The following DSCAM variants were observed in gnomAD, a reference collection of about 807,000 sequenced individuals.
The protein encoded by DSCAM is DS cell adhesion molecule, also known as cell adhesion molecule DSCAM.
In DSCAM, 47 loss-of-function variants were observed where a neutral mutation model predicts 217.7. The ratio of observed to expected loss-of-function variants is 0.22; its 90% CI spans 0.17 to 0.28. The LOEUF (loss-of-function observed/expected upper bound fraction) is 0.28. Ranked by LOEUF, DSCAM falls within the 10% of genes least tolerant of loss-of-function variation. The pLI, the probability that DSCAM is intolerant of heterozygous loss-of-function variation, is 1.00. For synonymous variants in DSCAM, 1,056 were observed against 1,015.3 expected (o/e 1.04, Z -0.76); for missense variants, 2,080 against 2,618.3 (o/e 0.79, Z 4.49).
chr21:40,190,627 A>T (rs944092135), intron 11 of DSCAM, among the ~76,000 whole-genome samples: 1 of 152,254 alleles, frequency 6.6e-6, no homozygotes, highest in African/African-American at 2.4e-5. Flanking sequence ...ATAGGTCTGT[A>T]GTCAAATTCA....
intron 3 of DSCAM, among the ~76,000 whole-genome samples, chr21:40,675,903 T>G (rs1221345586): frequency 1.3e-5 from 2 of 152,316 alleles, no homozygotes; most frequent in South Asian, 2.1e-4. Flanking sequence ...ATTCTCCTTC[T>G]GCATAACCAT....
At chr21:40,127,419 G>A (rs981653467) in intron 19 of DSCAM, among the ~76,000 whole-genome samples, 4 of 152,156 alleles carry the variant, frequency 2.6e-5, no homozygotes, top group Admixed American at 1.3e-4. Context: ...TTGGTAATCT[G>A]AGTTTTTCTT....
chr21:40,047,744 A>G (rs1453013458), intron 30 of DSCAM, among the ~76,000 whole-genome samples: 1 of 152,140 alleles, frequency 6.6e-6, no homozygotes, highest in Non-Finnish European at 1.5e-5. Context: ...GGAGATCTGA[A>G]CACTCCCTCA....
intron 11 of DSCAM, among the ~76,000 whole-genome samples, chr21:40,250,485 T>C (rs897257781): frequency 6.6e-6 from 1 of 152,220 alleles, no homozygotes. Flanking sequence ...TTTTAAAAAA[T>C]TCCACACTTA....
At chr21:40,020,033 C>A (rs1487792420) in intron 32 of DSCAM, among the ~76,000 whole-genome samples, 1 of 152,170 alleles carries the variant, frequency 6.6e-6, no homozygotes, top group East Asian at 1.9e-4. Flanking sequence ...TGTCCCCACC[C>A]AAATCTCTTC....
chr21:40,333,252 G>C (rs1336747170), intron 8 of DSCAM, among the ~76,000 whole-genome samples: 1 of 152,130 alleles, frequency 6.6e-6, no homozygotes, highest in South Asian at 2.1e-4. Flanking sequence ...CTAATACTTG[G>C]TAACTGAAAA....
chr21:40,679,281 GCTT>G (rs1370202666), intron 3 of DSCAM, among the ~76,000 whole-genome samples: 1 of 152,204 alleles, frequency 6.6e-6, no homozygotes, highest in African/African-American at 2.4e-5. Flanking sequence ...CATGTATTAA[GCTT>G]CTACTATGTG....
chr21:40,291,825 A>T (rs1335818979), intron 10 of DSCAM, among the ~76,000 whole-genome samples: 1 of 152,182 alleles, frequency 6.6e-6, no homozygotes, highest in African/African-American at 2.4e-5. Flanking sequence ...AGTTTCCCTG[A>T]AGGTCAGAGA....
At chr21:40,056,932 C>T (rs753519814) in intron 28 of DSCAM, among the ~76,000 whole-genome samples, 1 of 152,216 alleles carries the variant, frequency 6.6e-6, no homozygotes, top group South Asian at 2.1e-4. Context: ...GTGCCTCCAC[C>T]GATCCTTCCT....
In DSCAM at chr21:40,142,588, C is replaced by G; in HGVS notation, c.3376G>C (p.Val1126Leu). 6.2e-7 allele frequency: 1 copy of G among 1,614,126 alleles called. No individual in the cohort carries two copies. Among genetic ancestry groups the G allele is most frequent in the Middle Eastern group, 1.6e-4 (1 of 6,062 alleles). The change falls in exon 18 of 33, where the codon GTC (valine) becomes CTC (leucine). Residue 1126 changes from valine to leucine, a missense_variant. Physicochemically the swap from Val to Leu is conservative, Grantham distance 32 (BLOSUM62 1). Transcript: ENST00000400454. ...TCCATGAGGTTGGCCCAGTAAATGA[C>G]TCTGAACCCCTGGAGAATTCCATTC... ...ALNGILQGFR[V>L]IYWANLMDGE...
chr21:40,573,027 C>T (rs58722028), intron 3 of DSCAM, among the ~76,000 whole-genome samples: 1,661 of 152,236 alleles, frequency 0.011, 33 homozygotes, highest in African/African-American at 0.038. Context: ...CCCAGCAAAT[C>T]ATAATGATAA....
intron 32 of DSCAM, among the ~76,000 whole-genome samples, chr21:40,039,326 G>A (rs1423965667): frequency 6.6e-6 from 1 of 151,846 alleles, no homozygotes; most frequent in African/African-American, 2.4e-5. Context: ...AAAAAGAATG[G>A]AAAATAAGTC....
intron 11 of DSCAM, among the ~76,000 whole-genome samples, chr21:40,203,247 T>C (rs1490389266): frequency 6.6e-6 from 1 of 152,270 alleles, no homozygotes; most frequent in African/African-American, 2.4e-5. Context: ...TCTGCATTCA[T>C]TTGTGTCTGG....
At chr21:40,604,479 A>T (rs2089204920) in intron 3 of DSCAM, among the ~76,000 whole-genome samples, 2 of 151,846 alleles carry the variant, frequency 1.3e-5, no homozygotes, top group East Asian at 3.9e-4. Context: ...CTTGCCTTTC[A>T]TTTCTTGTCA....
At chr21:40,454,302 A>T (rs7280539) in intron 3 of DSCAM, among the ~76,000 whole-genome samples, 29,863 of 152,114 alleles carry the variant, frequency 0.2, 3,522 homozygotes, top group African/African-American at 0.32. Context: ...TTTAGCCATA[A>T]CATGTGCTCT....
chr21:40,382,181 A>G (rs757756387), intron 3 of DSCAM, among the ~76,000 whole-genome samples: 1 of 152,064 alleles, frequency 6.6e-6, no homozygotes, highest in Non-Finnish European at 1.5e-5. Context: ...ATATTTCTGC[A>G]TTTTAAATTA....
At chr21:40,121,679 G>GTTTTTTTTTTT (rs1568951642) in intron 20 of DSCAM, among the ~76,000 whole-genome samples, 1 of 76,714 alleles carries the variant, frequency 1.3e-5, no homozygotes, top group African/African-American at 4.8e-5. Flanking sequence ...TCTCATTACT[G>GTTTTTTTTTTT]TCTTTTTTTT....
intron 14 of DSCAM, 46 bp from the exon 15 acceptor site, chr21:40,179,140 T>C (rs770678102): frequency 4.5e-5 from 69 of 1,528,982 alleles, no homozygotes; most frequent in Non-Finnish European, 5.9e-5. Context: ...AGACGTGAGT[T>C]TTTTTCCTCT....
At chr21:40,654,609 G>T (rs1473842305) in intron 3 of DSCAM, among the ~76,000 whole-genome samples, 1 of 152,168 alleles carries the variant, frequency 6.6e-6, no homozygotes. Context: ...GAGAAAGTGT[G>T]TTTTGTGTTT....
Sources: gnomAD v4.1 joint callset for allele counts (sites outside exome capture counted in the v4.1 genomes callset) on GRCh38, gnomAD v4.1.1 for gene constraint, MANE v1.5 for transcripts, NCBI Gene and HGNC (gene_info 2026-07-23, HGNC 2026-07-21) for gene names.